The following PPP1R16A variants were observed in gnomAD, a reference collection of about 807,000 sequenced individuals.
PPP1R16A encodes protein phosphatase 1 regulatory subunit 16A, also known as myosin phosphatase-targeting subunit 3.
Under a neutral mutation model 46.6 loss-of-function variants are expected in PPP1R16A, and 39 were observed. That is an observed-to-expected ratio of 0.84 (90% CI 0.65 to 1.09). The LOEUF (loss-of-function observed/expected upper bound fraction) is 1.09, where lower values mean the gene tolerates loss of function less well. PPP1R16A is among the 50% of genes least tolerant of loss of function. The pLI is 0.00. For synonymous variants in PPP1R16A, 413 were observed against 321.5 expected (o/e 1.28, Z -3.04); for missense variants, 798 against 735.6 (o/e 1.08, Z -0.98).
In PPP1R16A at chr8:144,500,145, C is replaced by T; in HGVS notation, c.526C>T (p.Leu176=). 6.2e-7 allele frequency: 1 copy of T among 1,612,450 alleles called. No homozygotes were observed. The highest frequency in any genetic ancestry group is 2.2e-5 in the East Asian group (1 of 44,814). ...CACCGACGGGAACATGCCCTATGAC[C>T]TGTGTGATGATGAGCAGACGCTGGA... ...VNTDGNMPYD[L]CDDEQTLDCL... The change falls in exon 6 of 12, where the codon CTG becomes TTG. Residue 176 remains leucine, a synonymous_variant. Coordinates refer to ENST00000435887, the MANE Select transcript of PPP1R16A (RefSeq NM_001329443.2).
At chr8:144,488,579 A>G (rs533899854) in intron 1 of PPP1R16A, among the ~76,000 whole-genome samples, 33 of 152,278 alleles carry the variant, frequency 2.2e-4, no homozygotes, top group African/African-American at 5.8e-4. Context: ...GCTGGCCAGA[A>G]GATAAGGACA....
intron 2 of PPP1R16A, among the ~76,000 whole-genome samples, chr8:144,491,413 A>G (rs559895363): frequency 6.6e-6 from 1 of 152,128 alleles, no homozygotes; most frequent in African/African-American, 2.4e-5. Flanking sequence ...CAGGAATTCC[A>G]GACACCAGCC....
At chr8:144,495,162 A>AG (rs1162805732) in intron 2 of PPP1R16A, among the ~76,000 whole-genome samples, 5 of 152,140 alleles carry the variant, frequency 3.3e-5, no homozygotes, top group Admixed American at 6.5e-5. Context: ...CTAGGCCTAC[A>AG]GGGGGGGACT....
At chr8:144,497,565 C>T (rs1333298742) in intron 3 of PPP1R16A, 112 bp downstream of exon 3, 2 of 1,473,776 alleles carry the variant, frequency 1.4e-6, no homozygotes, top group Admixed American at 3.6e-5. Context: ...TCCTGGGCTC[C>T]AGCCCCCAGA....
chr8:144,501,750 C>A lies in PPP1R16A; in HGVS notation c.1434C>A (p.Ser478Arg). 6.4e-7 allele frequency: 1 copy of A among 1,574,448 alleles called. No individual in the cohort carries two copies. The highest frequency in any genetic ancestry group is 8.6e-7 in the Non-Finnish European group (1 of 1,160,904). Residue 478 changes from serine (S) to arginine (R), a missense_variant, in exon 12 of 12, where the codon AGC (serine) becomes AGA (arginine). Transcript: ENST00000435887. ...GACCCCCACCTGAGGGGCCCGAGAG[C>A]CCTGAGACAGCTGAGCCTGGCCTGC... ...LQRPPPEGPE[S>R]PETAEPGLPG... is the part of the protein sequence containing the mutation.
At position 144,499,371 on chromosome 8, in the gene PPP1R16A, G is replaced by A. The variant is rs895344938; in HGVS notation, c.476+310G>A. ...TGAGGAGGGCAGAACTGCTAAGGAG[G>A]GAAGCAGAGTGAGGAGGCCAGGTGG... On this transcript the variant is annotated intron_variant, in intron 5 of 11. Coordinates refer to ENST00000435887, the MANE Select transcript of PPP1R16A (RefSeq NM_001329443.2). 2.5e-5 allele frequency: 10 copies of A among 397,318 alleles called. 1 individual carries two copies. In the Admixed American group the frequency reaches 2.9e-4, roughly 12 times the overall value. The allele number at this position is 397,318 out of a possible 1,614,324, so 24.6% of individuals were successfully genotyped here. A position where few individuals can be genotyped will look rare whatever the true frequency, so the allele number is the denominator to read the frequency against.
At chr8:144,499,802 C>T (rs1826316148) in intron 5 of PPP1R16A, 2 of 390,720 alleles carry the variant, frequency 5.1e-6, no homozygotes, top group Non-Finnish European at 9.5e-6. Context: ...GTGCTCCCTG[C>T]TCCCCAGCAG....
At position 144,491,538 on chromosome 8, in the gene PPP1R16A, C is replaced by T. The variant is rs1197854208; in HGVS notation, c.-735+1326C>T. The stretch of plus-strand genomic sequence containing the variant: ...CAGCACTTTGGGAGGCTGACATGAG[C>T]AGATCACGAGGTCAGGAGATCGAGA... On this transcript the variant is annotated intron_variant, in intron 2 of 11. Transcript: ENST00000435887. Among the ~76,000 whole-genome samples the T allele has an allele frequency of 3.3e-5, 5 of 152,140 alleles. No individual in the cohort carries two copies. In the South Asian group the frequency reaches 6.2e-4, roughly 19 times the overall value.
chr8:144,501,323 C>A, intron 11 of PPP1R16A, 29 bp downstream of exon 11: 1 of 1,547,132 alleles, frequency 6.5e-7, no homozygotes, highest in East Asian at 2.4e-5. Flanking sequence ...CTCCGCCCAG[C>A]GCAGGGGTGG....
rs1450298433 is a variant in PPP1R16A at position 144,493,790 on chromosome 8, G to T, written c.-734-2671G>T. ...GCAGTTGGACCCTCGAGCAGGACAGGAACCTGCCCAGAGTCCCATGGAGAC... is the reference window on the plus strand; with the variant it reads ...GCAGTTGGACCCTCGAGCAGGACAGTAACCTGCCCAGAGTCCCATGGAGAC... On this transcript the variant is annotated intron_variant, in intron 2 of 11. Transcript: ENST00000435887. The surrounding 1 kb of genome is among the most constrained non-coding windows in gnomAD (Gnocchi z 4.3). Among the ~76,000 whole-genome samples the T allele has an allele frequency of 6.6e-6, 1 of 152,156 alleles. No homozygotes were observed.
intron 2 of PPP1R16A, among the ~76,000 whole-genome samples, chr8:144,491,635 CG>C (rs1825813251): frequency 6.6e-6 from 1 of 151,970 alleles, no homozygotes; most frequent in African/African-American, 2.4e-5. Context: ...TGGTGGCAGG[CG>C]CCTGTAGTTC....
Position 144,478,032 on chromosome 8 carries a change from C to A in PPP1R16A, c.-1009C>A. The A allele has an allele frequency of 2.5e-6, 1 of 394,140 alleles. No individual in the cohort carries two copies. Among genetic ancestry groups the A allele is most frequent in the African/African-American group, 2.1e-5 (1 of 48,504 alleles). The allele number at this position is 394,140 out of a possible 1,614,324, so 24.4% of individuals were successfully genotyped here. ...GCGTTGCCATGGCGAGGGCCGGGTG[C>A]GGGGCCCGCCCCCGCAGCGCCTCAG... On this transcript the variant is annotated 5_prime_UTR_variant, in exon 1 of 12. An upstream open reading frame in the 5' UTR gains an earlier in-frame stop. Coordinates refer to ENST00000435887, the MANE Select transcript of PPP1R16A (RefSeq NM_001329443.2).
At chr8:144,484,114 C>T (rs1178570776) in intron 1 of PPP1R16A, among the ~76,000 whole-genome samples, 1 of 152,244 alleles carries the variant, frequency 6.6e-6, no homozygotes, top group Non-Finnish European at 1.5e-5. Flanking sequence ...CTCACGGTCC[C>T]AGTGCTGCCT....
chr8:144,480,644 G>A (rs55955028), intron 1 of PPP1R16A, among the ~76,000 whole-genome samples: 14,750 of 151,928 alleles, frequency 0.097, 932 homozygotes, highest in African/African-American at 0.16. Context: ...ATGCCACCAC[G>A]GCCAGTAATT....
At chr8:144,486,877 C>T (rs896418336) in intron 1 of PPP1R16A, among the ~76,000 whole-genome samples, 3 of 152,098 alleles carry the variant, frequency 2.0e-5, no homozygotes, top group African/African-American at 4.8e-5. Context: ...TTCCGTTTTC[C>T]GTTTTATAGA....
At chr8:144,485,704 T>C (rs1825606805) in intron 1 of PPP1R16A, among the ~76,000 whole-genome samples, 1 of 152,168 alleles carries the variant, frequency 6.6e-6, no homozygotes, top group African/African-American at 2.4e-5. Flanking sequence ...ATTTCACAGC[T>C]TTCCATGTGT....
chr8:144,497,566 A>G (rs1826136726), intron 3 of PPP1R16A, 113 bp downstream of exon 3: 1 of 1,472,300 alleles, frequency 6.8e-7, no homozygotes, highest in Admixed American at 1.8e-5. Flanking sequence ...CCTGGGCTCC[A>G]GCCCCCAGAT....
chr8:144,491,210 T>G (rs887943000), intron 2 of PPP1R16A, among the ~76,000 whole-genome samples: 4 of 152,246 alleles, frequency 2.6e-5, no homozygotes, highest in African/African-American at 7.2e-5. Flanking sequence ...CAGACGTATA[T>G]GTATAGATGT....
In PPP1R16A at chr8:144,485,625, G is replaced by A. The variant is rs530247616; in HGVS notation, c.-913-4409G>A. The stretch of plus-strand genomic sequence containing the variant: ...TCCCGGGTACCCATGTGGTAACGTT[G>A]CACCTGTCAATGGAGTACAGCAGTT... On this transcript the variant is annotated intron_variant, in intron 1 of 11. Coordinates refer to ENST00000435887, the MANE Select transcript of PPP1R16A (RefSeq NM_001329443.2). Among the ~76,000 whole-genome samples the A allele has an allele frequency of 3.3e-5, 5 of 152,302 alleles. No individual in the cohort carries two copies. The East Asian group carries it at 9.6e-4, about 29-fold the overall frequency.
Sources: gnomAD v4.1 joint callset for allele counts (sites outside exome capture counted in the v4.1 genomes callset) on GRCh38, gnomAD v4.1.1 for gene constraint, Gnocchi (gnomAD v3.1) non-coding constraint, MANE v1.5 for transcripts, NCBI Gene and HGNC (gene_info 2026-07-23, HGNC 2026-07-21) for gene names.